The following ATP13A5 variants were observed in gnomAD, a reference collection of about 807,000 sequenced individuals.
The protein encoded by ATP13A5 is probable cation-transporting ATPase 13A5.
Under a neutral mutation model 150.2 loss-of-function variants are expected in ATP13A5, and 149 were observed. The ratio of observed to expected loss-of-function variants is 0.99; its 90% CI spans 0.87 to 1.14. The LOEUF (loss-of-function observed/expected upper bound fraction) is 1.14. Among genes scored for constraint, ATP13A5 ranks in the 50% most tolerant of loss-of-function variants. The pLI, the probability that ATP13A5 is intolerant of heterozygous loss-of-function variation, is 0.00. For missense variants in ATP13A5, 1,383 were observed against 1,449.3 expected, an observed-to-expected ratio of 0.95 and a Z score of 0.74; for synonymous variants, 497 against 522.2, an observed-to-expected ratio of 0.95 and a Z score of 0.66.
intron 5 of ATP13A5, among the ~76,000 whole-genome samples, chr3:193,357,187 C>T (rs1712827101): frequency 6.6e-6 from 1 of 152,060 alleles, no homozygotes; most frequent in Non-Finnish European, 1.5e-5. Context: ...GAGGATATTC[C>T]CTAAATAGTA....
chr3:193,319,293 G>A (rs766901467), intron 16 of ATP13A5, among the ~76,000 whole-genome samples, 185 bp from the exon 17 acceptor site: 1 of 152,122 alleles, frequency 6.6e-6, no homozygotes, highest in Non-Finnish European at 1.5e-5. Flanking sequence ...TATTTTGATG[G>A]AAAAAATGTC....
chr3:193,350,441 G>C (rs543174301), intron 7 of ATP13A5, among the ~76,000 whole-genome samples: 1 of 152,208 alleles, frequency 6.6e-6, no homozygotes, highest in South Asian at 2.1e-4. Flanking sequence ...GCTCAAAAAT[G>C]TCAAGGAATT....
At position 193,288,217 on chromosome 3, in the gene ATP13A5, A is replaced by C. The variant is rs1717798115; in HGVS notation, c.3023+1668T>G. Among the ~76,000 whole-genome samples, 4 of 152,174 alleles carry C rather than the reference A, an allele frequency of 2.6e-5. 1 individual carries two copies. The South Asian group carries it at 8.3e-4, about 31-fold the overall frequency. ...AGTATTTAGAATATTATATAAACTT[A>C]CTTGACAAAGCATCAGCAGGGTTTG... On this transcript the variant is annotated intron_variant, in intron 26 of 29. Transcript: ENST00000342358.
At chr3:193,282,304 G>A (rs1717534217) in intron 27 of ATP13A5, among the ~76,000 whole-genome samples, 1 of 152,000 alleles carries the variant, frequency 6.6e-6, no homozygotes. Context: ...CTGTGTATTA[G>A]TAATAATTCG....
chr3:193,309,945 T>A (rs1718777903), intron 21 of ATP13A5, among the ~76,000 whole-genome samples: 2 of 152,156 alleles, frequency 1.3e-5, no homozygotes. Context: ...CGGAGGTTTG[T>A]TTTACAGATT....
At chr3:193,328,533 T>A (rs540301355) in intron 12 of ATP13A5, among the ~76,000 whole-genome samples, 5 of 152,310 alleles carry the variant, frequency 3.3e-5, no homozygotes, top group African/African-American at 1.2e-4. Context: ...AAAACAGAGA[T>A]GATACTGCAG....
intron 9 of ATP13A5, among the ~76,000 whole-genome samples, chr3:193,343,250 T>C (rs1364656800): frequency 6.6e-6 from 1 of 152,216 alleles, no homozygotes; most frequent in Non-Finnish European, 1.5e-5. Flanking sequence ...CAATGTGCTG[T>C]GTATTTTAAT....
At chr3:193,351,891 CCCT>C (rs1712577544) in intron 6 of ATP13A5, among the ~76,000 whole-genome samples, 2 of 152,090 alleles carry the variant, frequency 1.3e-5, no homozygotes, top group South Asian at 4.2e-4. Flanking sequence ...TTTTTTTGTT[CCCT>C]CAATTTTTCC....
intron 6 of ATP13A5, among the ~76,000 whole-genome samples, 182 bp downstream of exon 6, chr3:193,353,945 A>G (rs1175608396): frequency 6.6e-6 from 1 of 152,122 alleles, no homozygotes; most frequent in African/African-American, 2.4e-5. Context: ...TGAGGCAGGA[A>G]TCTGTCTCAC....
chr3:193,360,925 C>T (rs1239908429), intron 5 of ATP13A5, among the ~76,000 whole-genome samples: 2 of 152,160 alleles, frequency 1.3e-5, no homozygotes, highest in Non-Finnish European at 1.5e-5. Context: ...GAACCACCCG[C>T]CTTGGCCTCC....
In ATP13A5 at chr3:193,343,938, C is replaced by T. The variant is rs752917934; in HGVS notation, c.932G>A (p.Gly311Asp). Residue 311 changes from glycine to aspartate, a missense_variant, in exon 9 of 30, where the codon GGC becomes GAC. Gly to Asp is a moderately conservative substitution (Grantham distance 94). Coordinates refer to ENST00000342358, the MANE Select transcript of ATP13A5 (RefSeq NM_198505.4). ...LIDGSCVVNE[G>D]MLTGESIPVT... Reference sequence around the variant, plus strand: ...TGACAACTGCCTACCTGTAAGCATGCCTTCATTCACCACGCAGCTTCCATC... The same window carrying T: ...TGACAACTGCCTACCTGTAAGCATGTCTTCATTCACCACGCAGCTTCCATC... 2 of 1,612,826 alleles carry T rather than the reference C, an allele frequency of 1.2e-6. No homozygotes were observed. The highest frequency in any genetic ancestry group is 1.7e-5 in the Admixed American group (1 of 59,918).
intron 6 of ATP13A5, 23 bp from the exon 7 acceptor site, chr3:193,351,224 T>C: frequency 1.2e-6 from 2 of 1,613,306 alleles, no homozygotes; most frequent in African/African-American, 1.3e-5. Flanking sequence ...AAATGGCATT[T>C]GGGTCACTTG....
At chr3:193,336,882 A>G (rs1272954891) in intron 9 of ATP13A5, among the ~76,000 whole-genome samples, 6 of 152,136 alleles carry the variant, frequency 3.9e-5, no homozygotes, top group Admixed American at 3.9e-4. Context: ...ATTTCTCCAC[A>G]TCCTCTCCAG....
At chr3:193,280,048 C>T (rs1717414037) in intron 27 of ATP13A5, among the ~76,000 whole-genome samples, 1 of 137,744 alleles carries the variant, frequency 7.3e-6, no homozygotes, top group South Asian at 2.6e-4. Context: ...TCTTGGCATG[C>T]TCCAATTTTT....
intron 22 of ATP13A5, among the ~76,000 whole-genome samples, chr3:193,306,667 T>A (rs1019096894): frequency 2.0e-5 from 3 of 152,192 alleles, no homozygotes; most frequent in African/African-American, 4.8e-5. Context: ...AAGTACATAA[T>A]CTTGAAGGTA....
intron 1 of ATP13A5, 88 bp from the exon 2 acceptor site, chr3:193,364,368 A>C: frequency 6.7e-7 from 1 of 1,491,786 alleles, no homozygotes; most frequent in Non-Finnish European, 9.1e-7. Flanking sequence ...CTTGAGATGA[A>C]AGAATGTTGG....
chr3:193,376,566 A>C (rs1319333911), intron 1 of ATP13A5, among the ~76,000 whole-genome samples: 2 of 152,094 alleles, frequency 1.3e-5, no homozygotes, highest in Non-Finnish European at 2.9e-5. Context: ...TCAGGGGTAC[A>C]TGCGCAGGAT....
At position 193,274,856 on chromosome 3, in the gene ATP13A5, G is replaced by A. The variant is rs1166913008; in HGVS notation, c.*186C>T. On this transcript the variant is annotated 3_prime_UTR_variant, in exon 30 of 30. Coordinates refer to ENST00000342358, the MANE Select transcript of ATP13A5 (RefSeq NM_198505.4). ...GGAAATGCATTTTTTTCTCTCATTG[G>A]TAAAGCATACAGTCAGAATAAGCCT... is the stretch of plus-strand genomic sequence containing the variant. 6.8e-6 allele frequency: 5 copies of A among 737,858 alleles called. No homozygotes were observed. The highest frequency in any genetic ancestry group is 1.1e-5 in the Non-Finnish European group (5 of 451,500). The allele number at this position is 737,858 out of a possible 1,614,324, so 45.7% of individuals were successfully genotyped here.
intron 7 of ATP13A5, among the ~76,000 whole-genome samples, chr3:193,348,765 G>A (rs1712449683): frequency 6.6e-6 from 1 of 152,166 alleles, no homozygotes; most frequent in African/African-American, 2.4e-5. Flanking sequence ...TTTGGAGATA[G>A]CAGTAGATGC....
Sources: gnomAD v4.1 joint callset for allele counts (sites outside exome capture counted in the v4.1 genomes callset) on GRCh38, gnomAD v4.1.1 for gene constraint, MANE v1.5 for transcripts, NCBI Gene and HGNC (gene_info 2026-07-23, HGNC 2026-07-21) for gene names.